The following FOXK2 variants were observed in gnomAD, a reference collection of about 807,000 sequenced individuals.
FOXK2 encodes the protein forkhead box protein K2.
In FOXK2, 24 loss-of-function variants were observed where a neutral mutation model predicts 53.3. The observed-to-expected ratio is 0.45, with a 90% CI of 0.33 to 0.63. FOXK2 has a LOEUF of 0.63. FOXK2 is among the 30% of genes least tolerant of loss of function. FOXK2 has a pLI of 0.03. For synonymous variants in FOXK2, 505 were observed against 407.1 expected (o/e 1.24, Z -2.89); for missense variants, 952 against 910.5 (o/e 1.05, Z -0.59).
At chr17:82,577,772 CTG>C (rs1009105410) in intron 4 of FOXK2, among the ~76,000 whole-genome samples, 5 of 152,120 alleles carry the variant, frequency 3.3e-5, no homozygotes, top group Non-Finnish European at 7.4e-5. Flanking sequence ...GAGTCTTACT[CTG>C]TTGCCCAGGC....
chr17:82,599,754 T>C (rs1347838255), intron 8 of FOXK2: 1 of 152,320 alleles, frequency 6.6e-6, no homozygotes, highest in Admixed American at 6.5e-5. Context: ...GAGGTCGGTC[T>C]CTGACCAGCC....
intron 3 of FOXK2, 140 bp downstream of exon 3, chr17:82,568,341 G>A: frequency 9.9e-7 from 1 of 1,014,810 alleles, no homozygotes; most frequent in African/African-American, 1.6e-5. Context: ...GCTTGATTCT[G>A]GTGTTGCTGC....
At chr17:82,546,859 C>G (rs186119801) in intron 1 of FOXK2, among the ~76,000 whole-genome samples, 1 of 151,890 alleles carries the variant, frequency 6.6e-6, no homozygotes, top group South Asian at 2.1e-4. Context: ...GATGGATCAC[C>G]TGAGGTCAGG....
At chr17:82,535,892 G>A (rs1444183676) in intron 1 of FOXK2, among the ~76,000 whole-genome samples, 2 of 151,908 alleles carry the variant, frequency 1.3e-5, no homozygotes, top group African/African-American at 2.4e-5. Context: ...ACAGGCATGC[G>A]CCACCATGCC....
At chr17:82,555,885 C>CAAAAAAAAAAAA (rs71168116) in intron 1 of FOXK2, among the ~76,000 whole-genome samples, 9 of 74,244 alleles carry the variant, frequency 1.2e-4, no homozygotes, top group Non-Finnish European at 1.8e-4. Context: ...GACTCTATCA[C>CAAAAAAAAAAAA]AAAAAAAAAA....
intron 3 of FOXK2, among the ~76,000 whole-genome samples, chr17:82,570,185 G>A (rs529352559): frequency 6.0e-5 from 9 of 150,762 alleles, no homozygotes; most frequent in African/African-American, 2.2e-4. Context: ...TCGCGCCACT[G>A]CACTCCAGCC....
chr17:82,561,958 C>T (rs1035129972), intron 1 of FOXK2, among the ~76,000 whole-genome samples: 1 of 152,112 alleles, frequency 6.6e-6, no homozygotes, highest in Non-Finnish European at 1.5e-5. Flanking sequence ...GGCTGAGTCC[C>T]GCGCCGGGTG....
intron 4 of FOXK2, among the ~76,000 whole-genome samples, chr17:82,581,260 G>C (rs553149232): frequency 2.7e-4 from 41 of 152,314 alleles, no homozygotes; most frequent in African/African-American, 9.9e-4. Context: ...GCCTGAGTCA[G>C]GTCCCAGCGG....
chr17:82,586,307 G>A lies in FOXK2; in HGVS notation c.1576+107G>A, dbSNP rs374981914. ...CCACAGGGAGGTCAAAGGTGGGCCGGGGGGGAAAGGAGGAGAGGGGAGACC... is the reference window on the plus strand; with the variant it reads ...CCACAGGGAGGTCAAAGGTGGGCCGAGGGGGAAAGGAGGAGAGGGGAGACC... On this transcript the variant is annotated intron_variant, in intron 7 of 8. Coordinates refer to ENST00000335255, the MANE Select transcript of FOXK2 (RefSeq NM_004514.4). 2.3e-3 allele frequency: 604 copies of A among 264,846 alleles called. 19 individuals carry two copies. Among genetic ancestry groups the A allele is most frequent in the Middle Eastern group, 4.1e-3 (4 of 980 alleles). The allele number at this position is 264,846 out of a possible 1,614,324, so 16.4% of individuals were successfully genotyped here.
In FOXK2 at chr17:82,587,190, C is replaced by G. The variant is rs748055249; in HGVS notation, c.1704C>G (p.His568Gln). 1.2e-6 allele frequency: 2 copies of G among 1,613,098 alleles called. No homozygotes were observed. The highest frequency in any genetic ancestry group is 2.2e-5 in the East Asian group (1 of 44,884). Residue 568 changes from histidine (H) to glutamine (Q), a missense_variant, in exon 8 of 9, where the codon CAC (histidine) becomes CAG (glutamine). This residue lies in a region of FOXK2 where 551 missense variants were observed against 385.1 expected (regional missense o/e 1.43). Coordinates refer to ENST00000335255, the MANE Select transcript of FOXK2 (RefSeq NM_004514.4). Reference protein sequence around the residue: ...TIVQQAPLGQHQLPIKTVTQN... With the variant: ...TIVQQAPLGQQQLPIKTVTQN... ...TACAACAGGCACCTCTAGGTCAACA[C>G]CAGCTACCAATAAAAACTGTAACAC...
rs2045386962 is a variant in FOXK2, at chr17:82,601,610, A to G, written c.*111A>G. ...GCCCTGTGGTTGGACTTCACCTCTC[A>G]GCACTGAAAACCCAAAACCCAGCTG... On this transcript the variant is annotated 3_prime_UTR_variant, in exon 9 of 9. Coordinates refer to ENST00000335255, the MANE Select transcript of FOXK2 (RefSeq NM_004514.4). The G allele has an allele frequency of 8.6e-7, 1 of 1,164,354 alleles. No homozygotes were observed. The highest frequency in any genetic ancestry group is 1.2e-6 in the Non-Finnish European group (1 of 850,120). 72.1% of individuals were successfully genotyped at this position (1,164,354 alleles called of 1,614,324 possible). A position where few individuals can be genotyped will look rare whatever the true frequency, so the allele number is the denominator to read the frequency against.
chr17:82,525,201 G>T (rs556971702), intron 1 of FOXK2, among the ~76,000 whole-genome samples: 1 of 151,656 alleles, frequency 6.6e-6, no homozygotes, highest in Non-Finnish European at 1.5e-5. Flanking sequence ...ATGGAATCTT[G>T]CTTTGTTGCC....
Position 82,584,091 on chromosome 17 carries a change from G to A in FOXK2, c.1182G>A (p.Ser394=), listed in dbSNP as rs375893720. The A allele has an allele frequency of 6.8e-6, 11 of 1,611,576 alleles. No homozygotes were observed. The highest frequency in any genetic ancestry group is 1.3e-5 in the African/African-American group (1 of 74,912). ...SSGAQTPESL[S]REGSPAPLEP... ...GCGCCCAGACCCCTGAGAGCCTGTC[G>A]AGGGAAGGTTCGCCGGCCCCCCTGG... is the stretch of plus-strand genomic sequence containing the variant. The change falls in exon 6 of 9, where the codon TCG becomes TCA. Residue 394 remains serine (S), a synonymous_variant. Coordinates refer to ENST00000335255, the MANE Select transcript of FOXK2 (RefSeq NM_004514.4).
intron 1 of FOXK2, among the ~76,000 whole-genome samples, chr17:82,557,650 C>T (rs72861089): frequency 0.15 from 23,315 of 151,820 alleles, 2,182 homozygotes; most frequent in East Asian, 0.32. Flanking sequence ...CGGCCTCTGC[C>T]TTTTTTAAAA....
chr17:82,536,698 T>G (rs1555635771), intron 1 of FOXK2, among the ~76,000 whole-genome samples: 2 of 151,718 alleles, frequency 1.3e-5, no homozygotes, highest in Non-Finnish European at 2.9e-5. Flanking sequence ...GCCGAGGAGG[T>G]CTTCGCAGAG....
chr17:82,599,747 G>A (rs2045361885), intron 8 of FOXK2: 1 of 152,298 alleles, frequency 6.6e-6, no homozygotes, highest in African/African-American at 2.4e-5. Flanking sequence ...GGGGGCGGAG[G>A]TCGGTCTCTG....
chr17:82,576,684 C>T, intron 4 of FOXK2: 4 of 1,100,974 alleles, frequency 3.6e-6, no homozygotes, highest in Non-Finnish European at 5.4e-6. Flanking sequence ...TAAGCCACTG[C>T]TTAAGTCTAG....
intron 1 of FOXK2, among the ~76,000 whole-genome samples, chr17:82,536,436 A>G (rs2044521563): frequency 6.6e-6 from 1 of 152,162 alleles, no homozygotes; most frequent in Admixed American, 6.5e-5. Context: ...TTTGCTTGCC[A>G]AAGGATATAG....
intron 8 of FOXK2, among the ~76,000 whole-genome samples, chr17:82,596,520 T>G (rs2045314598): frequency 6.6e-6 from 1 of 152,268 alleles, no homozygotes; most frequent in South Asian, 2.1e-4. Flanking sequence ...CGCGCACACG[T>G]GGGGACTGTT....
Sources: allele counts gnomAD v4.1 joint callset (sites outside exome capture counted in the v4.1 genomes callset), GRCh38; gene constraint gnomAD v4.1.1; regional missense constraint gnomAD v4.1.1; transcripts MANE v1.5; gene names NCBI Gene and HGNC (gene_info 2026-07-23, HGNC 2026-07-21).